Variants in MSI2 observed in about 807,000 individuals in gnomAD.
The protein encoded by MSI2 is musashi RNA binding protein 2.
MSI2 carries 17 observed loss-of-function variants against 45.6 expected under a neutral mutation model. The observed-to-expected ratio is 0.37, with a 90% CI of 0.26 to 0.56. The LOEUF (loss-of-function observed/expected upper bound fraction) is 0.56, where lower values mean the gene tolerates loss of function less well. MSI2 is among the 20% of genes least tolerant of loss of function. The pLI is 0.77. For missense variants in MSI2, 293 were observed against 444.2 expected, an observed-to-expected ratio of 0.66 and a Z score of 3.06; for synonymous variants, 156 against 158.2, an observed-to-expected ratio of 0.99 and a Z score of 0.11.
chr17:57,260,962 G>A (rs1907252824), intron 4 of MSI2, among the ~76,000 whole-genome samples: 1 of 148,928 alleles, frequency 6.7e-6, no homozygotes. Context: ...ACAAAGCTCA[G>A]ATTTACTTTT....
chr17:57,529,049 T>G lies in MSI2; in HGVS notation c.406-627T>G, dbSNP rs909218874. Among the ~76,000 whole-genome samples the G allele has an allele frequency of 2.0e-5, 3 of 152,200 alleles. No homozygotes were observed. The highest frequency in any genetic ancestry group is 6.5e-5 in the Admixed American group (1 of 15,284). The stretch of plus-strand genomic sequence containing the variant: ...ACTAACCTGGAAATTGTTTGCCATA[T>G]TGTAATGTTACAGGTTAACAAAAGG... On this transcript the variant is annotated intron_variant, in intron 6 of 13. Transcript: ENST00000284073. This position sits in a 1 kb window ranked among gnomAD's most constrained non-coding sequence, Gnocchi z 5.3.
intron 6 of MSI2, among the ~76,000 whole-genome samples, chr17:57,519,545 G>C (rs532773548): frequency 1.8e-4 from 28 of 152,108 alleles, no homozygotes; most frequent in African/African-American, 6.7e-4. Flanking sequence ...TCGAGCTTTT[G>C]GAATTCACTT....
At chr17:57,396,044 A>T (rs1402155528) in intron 5 of MSI2, among the ~76,000 whole-genome samples, 2 of 152,204 alleles carry the variant, frequency 1.3e-5, no homozygotes, top group Non-Finnish European at 2.9e-5. Flanking sequence ...CATCATCTGC[A>T]AACAAGCCTG....
chr17:57,589,243 A>G (rs1318874664), intron 7 of MSI2, among the ~76,000 whole-genome samples: 4 of 152,360 alleles, frequency 2.6e-5, no homozygotes, highest in Middle Eastern at 6.8e-3. Flanking sequence ...ACTGAAGCCA[A>G]AGTATTGTGC....
intron 5 of MSI2, among the ~76,000 whole-genome samples, chr17:57,316,403 C>T (rs1055212253): frequency 2.6e-5 from 4 of 151,660 alleles, no homozygotes; most frequent in Admixed American, 1.3e-4. Flanking sequence ...TCATGGCTCA[C>T]TGTACCCTTG....
intron 10 of MSI2, among the ~76,000 whole-genome samples, chr17:57,651,805 C>A (rs1253253805): frequency 6.6e-6 from 1 of 152,236 alleles, no homozygotes; most frequent in Non-Finnish European, 1.5e-5. Flanking sequence ...GAGCTCAACC[C>A]TGCTTCTCAA....
intron 7 of MSI2, among the ~76,000 whole-genome samples, chr17:57,558,488 T>C (rs2087493160): frequency 6.6e-6 from 1 of 152,140 alleles, no homozygotes; most frequent in Non-Finnish European, 1.5e-5. Context: ...ACCCAGCGTG[T>C]TGCCTAGAGG....
downstream of MSI2, among the ~76,000 whole-genome samples, chr17:57,687,014 C>CA (rs924679057): frequency 5.8e-4 from 85 of 147,178 alleles, no homozygotes; most frequent in African/African-American, 2.0e-3. Flanking sequence ...AGCCCCCCCC[C>CA]CAAAAAATTT....
chr17:57,622,908 C>CA (rs1908451034), intron 9 of MSI2, among the ~76,000 whole-genome samples: 1 of 152,268 alleles, frequency 6.6e-6, no homozygotes, highest in Non-Finnish European at 1.5e-5. Flanking sequence ...CAGTGCAGTC[C>CA]AATAGAACTT....
In MSI2 at chr17:57,650,221, C is replaced by G. The variant is rs61444674; in HGVS notation, c.728-1878C>G. On this transcript the variant is annotated intron_variant, in intron 10 of 13. Transcript: ENST00000284073. ...CCTCCCCCACTTCGTTCCTCTTTCCCCCTCCCCCAAGTCTTTCCGTGCTTC... is the reference window on the plus strand; with the variant it reads ...CCTCCCCCACTTCGTTCCTCTTTCCGCCTCCCCCAAGTCTTTCCGTGCTTC... Among the ~76,000 whole-genome samples, 1,451 of 151,990 alleles carry G rather than the reference C, an allele frequency of 9.5e-3. 24 individuals are homozygous for G. The highest frequency in any genetic ancestry group is 0.033 in the African/African-American group (1,362 of 41,430).
At chr17:57,480,467 T>C (rs1278815174) in intron 6 of MSI2, among the ~76,000 whole-genome samples, 3 of 152,190 alleles carry the variant, frequency 2.0e-5, no homozygotes, top group Non-Finnish European at 4.4e-5. Context: ...AAGTTCAGGC[T>C]CCAACCAGCA....
chr17:57,469,316 C>T (rs979990700), intron 6 of MSI2, among the ~76,000 whole-genome samples: 1 of 152,240 alleles, frequency 6.6e-6, no homozygotes, highest in African/African-American at 2.4e-5. Context: ...AATTATTTTT[C>T]TTAACTGCTT....
chr17:57,545,902 G>A (rs1023790042), intron 7 of MSI2, among the ~76,000 whole-genome samples: 1 of 151,746 alleles, frequency 6.6e-6, no homozygotes, highest in Non-Finnish European at 1.5e-5. Context: ...TTACATCTGA[G>A]TCGCCTGAAG....
chr17:57,336,655 C>A (rs888816345), intron 5 of MSI2, among the ~76,000 whole-genome samples: 3 of 152,014 alleles, frequency 2.0e-5, no homozygotes, highest in Non-Finnish European at 4.4e-5. Flanking sequence ...GCATTTCATT[C>A]TTGAAAAAGG....
Position 57,280,346 on chromosome 17 carries a change from G to A in MSI2, c.312+18154G>A, listed in dbSNP as rs1280764851. On this transcript the variant is annotated intron_variant, in intron 5 of 13. Coordinates refer to ENST00000284073, the MANE Select transcript of MSI2 (RefSeq NM_138962.4). This position sits in a 1 kb window ranked among gnomAD's most constrained non-coding sequence, Gnocchi z 4.2. ...AAGTGGCTTGTGGGTACCCCAGGGGGCTGTGGGGGAATCAGTGAGTAAGTT... is the reference window on the plus strand; with the variant it reads ...AAGTGGCTTGTGGGTACCCCAGGGGACTGTGGGGGAATCAGTGAGTAAGTT... Among the ~76,000 whole-genome samples, 2 of 152,196 alleles carry A rather than the reference G, an allele frequency of 1.3e-5. No individual in the cohort carries two copies.
intron 6 of MSI2, among the ~76,000 whole-genome samples, chr17:57,419,819 T>A (rs1359157923): frequency 6.6e-6 from 1 of 152,194 alleles, no homozygotes; most frequent in African/African-American, 2.4e-5. Context: ...ATGAATAACA[T>A]TCTGACCTTG....
chr17:57,427,015 G>A (rs951292785), intron 6 of MSI2, among the ~76,000 whole-genome samples: 1 of 152,224 alleles, frequency 6.6e-6, no homozygotes, highest in African/African-American at 2.4e-5. Context: ...GCTGAAGCCG[G>A]GGTGCCCCCA....
At chr17:57,352,311 A>G (rs1190731398) in intron 5 of MSI2, among the ~76,000 whole-genome samples, 1 of 152,214 alleles carries the variant, frequency 6.6e-6, no homozygotes, top group Non-Finnish European at 1.5e-5. Context: ...ATTTTTCCCA[A>G]GTAGAGAAAT....
At chr17:57,662,141 A>AT (rs1246953784) in intron 11 of MSI2, among the ~76,000 whole-genome samples, 1 of 152,122 alleles carries the variant, frequency 6.6e-6, no homozygotes. Flanking sequence ...ATTAATATTA[A>AT]TTTTTTTAAA....
Sources: gnomAD v4.1 joint callset for allele counts (sites outside exome capture counted in the v4.1 genomes callset) on GRCh38, gnomAD v4.1.1 for gene constraint, Gnocchi (gnomAD v3.1) non-coding constraint, MANE v1.5 for transcripts, NCBI Gene and HGNC (gene_info 2026-07-23, HGNC 2026-07-21) for gene names.